The following PYY variants were observed in gnomAD, a reference collection of about 807,000 sequenced individuals.
PYY encodes the protein peptide tyrosine tyrosine.
Under a neutral mutation model 10.3 loss-of-function variants are expected in PYY, and 12 were observed. The observed-to-expected ratio is 1.17, with a 90% CI of 0.75 to 1.89. The LOEUF (loss-of-function observed/expected upper bound fraction) is 1.89, where lower values mean the gene tolerates loss of function less well. Ranked by LOEUF, PYY falls within the 40% of genes most tolerant of loss-of-function variation. The probability of loss-of-function intolerance (pLI) is 0.00; values close to 1 mark genes in which losing one functional copy is unlikely to be tolerated. For synonymous variants in PYY, 66 were observed against 62.0 expected (o/e 1.06, Z -0.30); for missense variants, 141 against 134.0 (o/e 1.05, Z -0.26).
chr17:43,991,722 G>T (rs1235405116), intron 1 of PYY, among the ~76,000 whole-genome samples: 1 of 151,762 alleles, frequency 6.6e-6, no homozygotes, highest in African/African-American at 2.4e-5. Context: ...TACCTGGGAG[G>T]CTGAGGCTGG....
intron 1 of PYY, among the ~76,000 whole-genome samples, chr17:43,980,448 G>A (rs2048875539): frequency 6.6e-6 from 1 of 151,152 alleles, no homozygotes; most frequent in African/African-American, 2.4e-5. Flanking sequence ...ACAGGAGTGA[G>A]CCACCATGCC....
At chr17:43,982,729 G>A (rs1397345049) in intron 1 of PYY, among the ~76,000 whole-genome samples, 1 of 152,220 alleles carries the variant, frequency 6.6e-6, no homozygotes, top group Admixed American at 6.5e-5. Flanking sequence ...GATGGGTCAG[G>A]CTGGATTCTG....
intron 2 of PYY, among the ~76,000 whole-genome samples, chr17:43,962,168 C>T (rs547687915): frequency 2.0e-5 from 3 of 152,156 alleles, no homozygotes; most frequent in Non-Finnish European, 2.9e-5. Flanking sequence ...GACTAAGTTC[C>T]GGCCAATGGA....
At chr17:43,965,789 C>CAAAAAAAAAAAAAAAAAAAAA (rs67609128) in intron 2 of PYY, among the ~76,000 whole-genome samples, 1 of 31,924 alleles carries the variant, frequency 3.1e-5, no homozygotes, top group African/African-American at 1.1e-4. Context: ...ATCCATCTCA[C>CAAAAAAAAAAAAAAAAAAAAA]AAAAAAAAAA....
intron 1 of PYY, among the ~76,000 whole-genome samples, chr17:43,994,623 G>C (rs1179645729): frequency 2.0e-5 from 3 of 152,116 alleles, no homozygotes; most frequent in African/African-American, 7.2e-5. Context: ...CCATTAACGT[G>C]TCCCGCCCGA....
intron 1 of PYY, among the ~76,000 whole-genome samples, chr17:44,000,072 G>A (rs549227018): frequency 2.6e-5 from 4 of 152,216 alleles, no homozygotes; most frequent in African/African-American, 9.6e-5. Flanking sequence ...GGAGTGCAGT[G>A]GCGTGGTCAT....
At chr17:44,001,682 A>C (rs905050743) in intron 1 of PYY, among the ~76,000 whole-genome samples, 4 of 152,184 alleles carry the variant, frequency 2.6e-5, no homozygotes, top group African/African-American at 9.7e-5. Context: ...GCCGCTTCCC[A>C]GCCCATTTCC....
chr17:43,979,785 A>C lies in PYY; in HGVS notation c.-462-13253T>G, dbSNP rs533668081. 2.0e-5 allele frequency among the ~76,000 whole-genome samples: 3 copies of C among 152,078 alleles called. No individual in the cohort carries two copies. In the East Asian group the frequency reaches 5.8e-4, roughly 29 times the overall value. On this transcript the variant is annotated intron_variant, in intron 1 of 6. Coordinates refer to the PYY transcript ENST00000360085. ...TGGGGGTAGCTAGGTGAGGCCCAGG[A>C]ATAGAAGAGGGGGAAGAGTAGGGGA...
At chr17:43,988,303 G>T (rs1003792337) in intron 1 of PYY, among the ~76,000 whole-genome samples, 1 of 152,180 alleles carries the variant, frequency 6.6e-6, no homozygotes, top group African/African-American at 2.4e-5. Context: ...GACCTCTTGC[G>T]GAAAGGGAGC....
chr17:43,972,938 C>G lies in PYY; in HGVS notation c.-462-6406G>C, dbSNP rs76579094. On this transcript the variant is annotated intron_variant, in intron 1 of 6. Transcript: ENST00000360085. ...CCATGTTGGCCAGGATGGTCTTGAC[C>G]TCTTGACCTCGTGATCCGCCCGCCT... 3.9e-3 allele frequency among the ~76,000 whole-genome samples: 588 copies of G among 152,080 alleles called. 4 individuals are homozygous for G. The highest frequency in any genetic ancestry group is 0.014 in the African/African-American group (570 of 41,494).
chr17:43,993,256 C>T (rs1020051146), intron 1 of PYY, among the ~76,000 whole-genome samples: 4 of 151,914 alleles, frequency 2.6e-5, no homozygotes, highest in Admixed American at 1.3e-4. Flanking sequence ...GTCAGGAGAT[C>T]GAGACCAACC....
At chr17:43,996,000 A>T (rs2048989989) in intron 1 of PYY, among the ~76,000 whole-genome samples, 1 of 152,042 alleles carries the variant, frequency 6.6e-6, no homozygotes, top group Non-Finnish European at 1.5e-5. Flanking sequence ...CAAAAAAAGA[A>T]AGAAAAAAAT....
At chr17:43,959,317 T>G (rs1359729854) in intron 2 of PYY, among the ~76,000 whole-genome samples, 1 of 152,234 alleles carries the variant, frequency 6.6e-6, no homozygotes, top group Non-Finnish European at 1.5e-5. Flanking sequence ...CTTTATATAT[T>G]TCCAATATAG....
intron 1 of PYY, among the ~76,000 whole-genome samples, chr17:43,989,110 C>T (rs2048933916): frequency 1.3e-5 from 2 of 151,706 alleles, no homozygotes; most frequent in African/African-American, 2.4e-5. Flanking sequence ...CGCGGTGGCT[C>T]ACGCCTGTAA....
chr17:43,966,213 A>C (rs1004433716), intron 2 of PYY: 7 of 153,000 alleles, frequency 4.6e-5, no homozygotes, highest in Admixed American at 3.3e-4. Flanking sequence ...TCTTCACAAC[A>C]CATAATGTAC....
At chr17:43,972,420 G>A (rs1186224376) in intron 1 of PYY, among the ~76,000 whole-genome samples, 3 of 151,954 alleles carry the variant, frequency 2.0e-5, no homozygotes, top group Non-Finnish European at 4.4e-5. Flanking sequence ...TCACCATGTT[G>A]GGCCAGGCTG....
intron 1 of PYY, among the ~76,000 whole-genome samples, chr17:43,976,874 G>A (rs1432038529): frequency 6.6e-6 from 1 of 152,160 alleles, no homozygotes; most frequent in African/African-American, 2.4e-5. Context: ...CAAGGCAGGG[G>A]CTTCTGATCT....
upstream of PYY, among the ~76,000 whole-genome samples, chr17:43,956,927 G>A (rs940307928): frequency 0.31 from 54 of 172 alleles, no homozygotes; most frequent in Non-Finnish European, 0.35. Flanking sequence ...CAGGCCAGGC[G>A]TGGTGCTCAC....
intron 1 of PYY, among the ~76,000 whole-genome samples, chr17:43,996,089 T>C (rs949597031): frequency 6.6e-6 from 1 of 152,044 alleles, no homozygotes; most frequent in African/African-American, 2.4e-5. Context: ...TTATAACCAA[T>C]AGGATGGGTC....
Sources: gnomAD v4.1 joint callset for allele counts (sites outside exome capture counted in the v4.1 genomes callset) on GRCh38, gnomAD v4.1.1 for gene constraint, MANE v1.5 for transcripts, NCBI Gene and HGNC (gene_info 2026-07-23, HGNC 2026-07-21) for gene names.